The following NEDD4 variants were observed in gnomAD, a reference collection of about 807,000 sequenced individuals.
NEDD4 encodes E3 ubiquitin-protein ligase NEDD4.
In NEDD4, 99 loss-of-function variants were observed where a neutral mutation model predicts 144.9. The ratio of observed to expected loss-of-function variants is 0.68; its 90% CI spans 0.58 to 0.81. NEDD4 has a LOEUF of 0.81. Ranked by LOEUF, NEDD4 falls within the 30% of genes least tolerant of loss-of-function variation. NEDD4 has a pLI of 0.00. For synonymous variants in NEDD4, 318 were observed against 350.6 expected (o/e 0.91, Z 1.04); for missense variants, 985 against 1,065.9 (o/e 0.92, Z 1.06).
chr15:55,975,402 A>G (rs1333752528), intron 1 of NEDD4, among the ~76,000 whole-genome samples: 1 of 152,226 alleles, frequency 6.6e-6, no homozygotes, highest in Non-Finnish European at 1.5e-5. Flanking sequence ...CAGGATACAA[A>G]ATCAATACAC....
chr15:55,840,024 ATATATATATATATATAT>A (rs1566901230), intron 21 of NEDD4, among the ~76,000 whole-genome samples: 3,050 of 84,194 alleles, frequency 0.036, 113 homozygotes, highest in Non-Finnish European at 0.047. Context: ...ATATATATAT[ATATATATATATATATAT>A]AACATTCATC....
intron 4 of NEDD4, among the ~76,000 whole-genome samples, chr15:55,947,560 AT>A (rs1425841774): frequency 1.3e-5 from 2 of 152,246 alleles, no homozygotes; most frequent in African/African-American, 4.8e-5. Flanking sequence ...GACCAGACGT[AT>A]TCACAGCTGA....
At chr15:55,846,695 C>T (rs1431083706) in intron 18 of NEDD4, among the ~76,000 whole-genome samples, 1 of 152,156 alleles carries the variant, frequency 6.6e-6, no homozygotes, top group Admixed American at 6.5e-5. Context: ...CCCATAAACC[C>T]CACAGGGATA....
chr15:55,926,374 T>C (rs1260656698), intron 4 of NEDD4, among the ~76,000 whole-genome samples: 2 of 152,206 alleles, frequency 1.3e-5, no homozygotes, highest in African/African-American at 4.8e-5. Context: ...CTGTCTGAAA[T>C]GTTGTTAGGA....
intron 8 of NEDD4, among the ~76,000 whole-genome samples, chr15:55,868,287 G>C (rs557008641): frequency 1.3e-5 from 2 of 152,274 alleles, no homozygotes; most frequent in East Asian, 3.9e-4. Flanking sequence ...AGTCAGAGGA[G>C]AAAGTGTTAA....
intron 4 of NEDD4, among the ~76,000 whole-genome samples, chr15:55,928,637 T>C (rs770872852): frequency 3.9e-5 from 6 of 152,236 alleles, no homozygotes; most frequent in African/African-American, 7.2e-5. Context: ...TTCTCCACTC[T>C]ACATGTCTAC....
chr15:55,836,674 C>T (rs564523900), intron 24 of NEDD4, among the ~76,000 whole-genome samples: 6 of 152,132 alleles, frequency 3.9e-5, no homozygotes, highest in South Asian at 4.2e-4. Flanking sequence ...TGCACGTGCA[C>T]GCCACCACGT....
chr15:55,972,879 GA>G (rs2037634502), intron 1 of NEDD4, among the ~76,000 whole-genome samples: 1 of 152,032 alleles, frequency 6.6e-6, no homozygotes, highest in Non-Finnish European at 1.5e-5. Flanking sequence ...ACTAAAAAAA[GA>G]GACAAAAAAG....
intron 5 of NEDD4, among the ~76,000 whole-genome samples, chr15:55,911,670 C>T (rs1178757324): frequency 6.6e-6 from 1 of 151,974 alleles, no homozygotes; most frequent in Non-Finnish European, 1.5e-5. Context: ...GCTGGGACTA[C>T]AGGCGCGCGC....
At chr15:55,958,438 T>C (rs2037373772) in intron 2 of NEDD4, among the ~76,000 whole-genome samples, 1 of 152,188 alleles carries the variant, frequency 6.6e-6, no homozygotes, top group Non-Finnish European at 1.5e-5. Context: ...TGTTGACAGA[T>C]ATTGGTTTTA....
At chr15:55,847,742 C>G (rs1289283480) in intron 17 of NEDD4, among the ~76,000 whole-genome samples, 3 of 146,586 alleles carry the variant, frequency 2.0e-5, no homozygotes, top group African/African-American at 5.1e-5. Flanking sequence ...GGTGGTACAA[C>G]CTCAGCTCAC....
chr15:55,869,881 A>AAATC (rs2034717782), intron 7 of NEDD4, among the ~76,000 whole-genome samples, 200 bp from the exon 8 acceptor site: 1 of 146,470 alleles, frequency 6.8e-6, no homozygotes, highest in African/African-American at 2.6e-5. Context: ...ATAAATAAAT[A>AAATC]AATAAATAAA....
At chr15:55,832,424 C>CT (rs1250784452) in intron 27 of NEDD4, among the ~76,000 whole-genome samples, 8 of 151,746 alleles carry the variant, frequency 5.3e-5, no homozygotes, top group East Asian at 1.9e-4. Context: ...AATGCTTTTT[C>CT]TTTTTTTTGA....
chr15:55,837,027 T>C lies in NEDD4; in HGVS notation c.2262+762A>G, dbSNP rs142595461. On this transcript the variant is annotated intron_variant, in intron 24 of 28. Transcript: ENST00000435532. ...AGTGCTCTGACAATCTGTCTACCAA[T>C]TGGAAAAATTTAAGTAACTTTTTAA... is the stretch of plus-strand genomic sequence containing the variant. Among the ~76,000 whole-genome samples the C allele has an allele frequency of 3.2e-3, 488 of 152,262 alleles. 2 individuals carry two copies. The highest frequency in any genetic ancestry group is 5.8e-3 in the Admixed American group (88 of 15,292).
chr15:55,948,372 T>C (rs1185084452), intron 4 of NEDD4, among the ~76,000 whole-genome samples: 1 of 152,214 alleles, frequency 6.6e-6, no homozygotes, highest in Admixed American at 6.5e-5. Flanking sequence ...AAAATGGCCA[T>C]ACTGCCCAAG....
intron 4 of NEDD4, among the ~76,000 whole-genome samples, chr15:55,925,904 A>G (rs531712372): frequency 1.8e-3 from 277 of 152,232 alleles, no homozygotes; most frequent in Non-Finnish European, 3.2e-3. Context: ...AAAAAAGTAT[A>G]CTAATCTTAA....
intron 1 of NEDD4, among the ~76,000 whole-genome samples, chr15:55,977,029 A>T (rs529633212): frequency 8.5e-5 from 13 of 152,232 alleles, no homozygotes; most frequent in Non-Finnish European, 1.9e-4. Flanking sequence ...TTCCACTGGC[A>T]AGCAGTAGCT....
intron 2 of NEDD4, among the ~76,000 whole-genome samples, chr15:55,952,157 T>C (rs1327764105): frequency 1.3e-5 from 2 of 150,866 alleles, no homozygotes; most frequent in Non-Finnish European, 2.9e-5. Context: ...TGAAACCCCG[T>C]CTCTACTAAA....
chr15:55,874,459 G>A (rs1003954165), intron 5 of NEDD4, among the ~76,000 whole-genome samples: 18 of 152,072 alleles, frequency 1.2e-4, no homozygotes, highest in African/African-American at 4.1e-4. Context: ...GTTTGGGGTT[G>A]ACAGCATATC....
Sources: gnomAD v4.1 joint callset for allele counts (sites outside exome capture counted in the v4.1 genomes callset) on GRCh38, gnomAD v4.1.1 for gene constraint, MANE v1.5 for transcripts, NCBI Gene and HGNC (gene_info 2026-07-23, HGNC 2026-07-21) for gene names.